The following RPS6KC1 variants were observed in gnomAD, a reference collection of about 807,000 sequenced individuals.
The protein encoded by RPS6KC1 is ribosomal protein S6 kinase C1.
A neutral mutation model predicts 103.8 loss-of-function variants in RPS6KC1; 54 were observed. That is an observed-to-expected ratio of 0.52 (90% CI 0.42 to 0.65). The LOEUF (loss-of-function observed/expected upper bound fraction) is 0.65. Among genes scored for constraint, RPS6KC1 ranks in the 30% least tolerant of loss-of-function variants. The probability of loss-of-function intolerance (pLI) is 0.00; values close to 1 mark genes in which losing one functional copy is unlikely to be tolerated. For missense variants in RPS6KC1, 1,151 were observed against 1,253.8 expected, an observed-to-expected ratio of 0.92 and a Z score of 1.24; for synonymous variants, 439 against 438.7, an observed-to-expected ratio of 1.00 and a Z score of -0.01.
intron 1 of RPS6KC1, among the ~76,000 whole-genome samples, chr1:213,057,605 G>A (rs546750689): frequency 5.3e-5 from 8 of 151,668 alleles, no homozygotes; most frequent in Admixed American, 3.3e-4. Context: ...CTGATAATTT[G>A]CCTATTTTTT....
the RPS6KC1 span, among the ~76,000 whole-genome samples, chr1:213,701,001 C>T: frequency 6.6e-6 from 1 of 151,992 alleles, no homozygotes; most frequent in Admixed American, 6.6e-5. Context: ...CATCTGCAAA[C>T]AAGGATAATT....
the RPS6KC1 span, among the ~76,000 whole-genome samples, chr1:213,530,604 G>A: frequency 2.0e-4 from 31 of 152,310 alleles, no homozygotes; most frequent in African/African-American, 7.0e-4. Context: ...CTGTAAGCAT[G>A]GCCTCTTCCT....
chr1:213,819,053 T>A, the RPS6KC1 span: 1 of 152,352 alleles, frequency 6.6e-6, no homozygotes, highest in South Asian at 2.1e-4. Context: ...TGCTTTCAAC[T>A]TTTAAAATTT....
At chr1:213,294,775 A>G in the RPS6KC1 span, among the ~76,000 whole-genome samples, 1 of 152,232 alleles carries the variant, frequency 6.6e-6, no homozygotes, top group Non-Finnish European at 1.5e-5. Context: ...CCAGGATAGC[A>G]TAGTTACAGG....
the RPS6KC1 span, among the ~76,000 whole-genome samples, chr1:213,793,311 C>G: frequency 2.0e-5 from 3 of 152,228 alleles, no homozygotes; most frequent in Non-Finnish European, 4.4e-5. Context: ...AAACTCCTCT[C>G]AAAGACACCT....
the RPS6KC1 span, among the ~76,000 whole-genome samples, chr1:213,686,899 A>G: frequency 6.6e-6 from 1 of 150,624 alleles, no homozygotes; most frequent in Non-Finnish European, 1.5e-5. Flanking sequence ...AGGGGCAAGG[A>G]TTTTCTGGAA....
chr1:213,641,795 A>G, the RPS6KC1 span, among the ~76,000 whole-genome samples: 1 of 150,284 alleles, frequency 6.7e-6, no homozygotes, highest in Admixed American at 6.7e-5. Flanking sequence ...ATAGAAGGAC[A>G]TCACCACTGC....
the RPS6KC1 span, among the ~76,000 whole-genome samples, chr1:213,358,276 G>T: frequency 6.6e-6 from 1 of 152,100 alleles, no homozygotes; most frequent in African/African-American, 2.4e-5. Context: ...GACTTTTTTG[G>T]TTGGTAAGCT....
At chr1:213,597,370 C>T in the RPS6KC1 span, among the ~76,000 whole-genome samples, 1 of 152,122 alleles carries the variant, frequency 6.6e-6, no homozygotes, top group Admixed American at 6.5e-5. Flanking sequence ...TGGGCCATGT[C>T]CGCCAGTCTA....
chr1:213,650,083 A>T, the RPS6KC1 span, among the ~76,000 whole-genome samples: 1 of 152,186 alleles, frequency 6.6e-6, no homozygotes, highest in East Asian at 1.9e-4. Flanking sequence ...ATTGCAGTGG[A>T]TGCAGGAGCC....
At chr1:213,646,079 T>A in the RPS6KC1 span, among the ~76,000 whole-genome samples, 1 of 152,228 alleles carries the variant, frequency 6.6e-6, no homozygotes, top group African/African-American at 2.4e-5. Flanking sequence ...GTGTAAAGCA[T>A]AACATAAAAT....
chr1:213,601,779 T>G, the RPS6KC1 span, among the ~76,000 whole-genome samples: 108 of 152,184 alleles, frequency 7.1e-4, no homozygotes, highest in African/African-American at 2.5e-3. Context: ...CTCCATTTAA[T>G]GCTATATTGA....
chr1:213,759,943 C>T, the RPS6KC1 span, among the ~76,000 whole-genome samples: 8 of 152,176 alleles, frequency 5.3e-5, no homozygotes, highest in Non-Finnish European at 1.0e-4. Context: ...GCAGCCTTTA[C>T]TTTGATTTGG....
At chr1:213,618,078 A>G in the RPS6KC1 span, among the ~76,000 whole-genome samples, 11,437 of 152,186 alleles carry the variant, frequency 0.075, 1,070 homozygotes, top group African/African-American at 0.23. Flanking sequence ...AACTGGGCCA[A>G]CTTAATTTTT....
At chr1:213,684,963 C>G in the RPS6KC1 span, among the ~76,000 whole-genome samples, 1 of 152,160 alleles carries the variant, frequency 6.6e-6, no homozygotes, top group Non-Finnish European at 1.5e-5. Flanking sequence ...AGCCAGTTCC[C>G]GAATGCCGGT....
At chr1:213,680,308 C>A in the RPS6KC1 span, among the ~76,000 whole-genome samples, 1 of 152,182 alleles carries the variant, frequency 6.6e-6, no homozygotes, top group Non-Finnish European at 1.5e-5. Flanking sequence ...AAAAACAGCA[C>A]GAGATGTGAA....
chr1:213,392,631 T>C, the RPS6KC1 span, among the ~76,000 whole-genome samples: 1 of 152,232 alleles, frequency 6.6e-6, no homozygotes, highest in Non-Finnish European at 1.5e-5. Context: ...TGCATCTTTG[T>C]ATTTATTTCA....
At chr1:213,216,066 A>G (rs1261377842) in intron 8 of RPS6KC1, among the ~76,000 whole-genome samples, 5 of 152,226 alleles carry the variant, frequency 3.3e-5, no homozygotes, top group African/African-American at 4.8e-5. Context: ...ATGCTCAATT[A>G]AAAGATACAG....
the RPS6KC1 span, among the ~76,000 whole-genome samples, chr1:213,468,791 C>T: frequency 6.6e-6 from 1 of 152,132 alleles, no homozygotes; most frequent in Non-Finnish European, 1.5e-5. Context: ...TGATCTAGTT[C>T]GTGCCTATTC....
Sources: allele counts gnomAD v4.1 joint callset (sites outside exome capture counted in the v4.1 genomes callset), GRCh38; gene constraint gnomAD v4.1.1; transcripts MANE v1.5; gene names NCBI Gene and HGNC (gene_info 2026-07-23, HGNC 2026-07-21).